The following TACC2 variants were observed in gnomAD, a reference collection of about 807,000 sequenced individuals.
The protein encoded by TACC2 is transforming acidic coiled-coil-containing protein 2.
A neutral mutation model predicts 227.3 loss-of-function variants in TACC2; 137 were observed. The ratio of observed to expected loss-of-function variants is 0.60; its 90% CI spans 0.52 to 0.69. The LOEUF is 0.69. TACC2 is among the 30% of genes least tolerant of loss of function. The pLI is 0.00. For synonymous variants in TACC2, 1,523 were observed against 1,487.5 expected (o/e 1.02, Z -0.55); for missense variants, 3,470 against 3,694.4 (o/e 0.94, Z 1.57).
chr10:122,154,352 C>G (rs1468870772), intron 7 of TACC2, among the ~76,000 whole-genome samples: 2 of 152,230 alleles, frequency 1.3e-5, no homozygotes, highest in Admixed American at 6.5e-5. Flanking sequence ...GGCAGGCAGT[C>G]ACTGCACAGG....
chr10:122,168,282 G>A (rs1592848778), intron 7 of TACC2, among the ~76,000 whole-genome samples: 1 of 152,172 alleles, frequency 6.6e-6, no homozygotes, highest in Admixed American at 6.5e-5. Context: ...CATTCCTAAT[G>A]TGAGTTGCAG....
chr10:122,108,737 G>C (rs1053670416), intron 5 of TACC2, among the ~76,000 whole-genome samples: 1 of 139,052 alleles, frequency 7.2e-6, no homozygotes, highest in South Asian at 2.4e-4. Context: ...GCCATCGCCC[G>C]GTCTTCTTTT....
rs1402980531 is a variant in TACC2 at position 122,149,839 on chromosome 10, T to C, written c.5834+6133T>C. Among the ~76,000 whole-genome samples the C allele has an allele frequency of 2.6e-5, 4 of 152,194 alleles. No individual in the cohort carries two copies. The East Asian group carries it at 7.7e-4, about 29-fold the overall frequency. On this transcript the variant is annotated intron_variant, in intron 7 of 22. Coordinates refer to ENST00000369005, the MANE Select transcript of TACC2 (RefSeq NM_206862.4). Reference sequence around the variant, plus strand: ...GGCTCTCGTGGCATCATTCCTTGGTTACGCAGGTCAAGTTTCCATTGTTCT... The same window carrying C: ...GGCTCTCGTGGCATCATTCCTTGGTCACGCAGGTCAAGTTTCCATTGTTCT...
At chr10:122,107,043 C>T (rs1424918661) in intron 5 of TACC2, among the ~76,000 whole-genome samples, 1 of 152,230 alleles carries the variant, frequency 6.6e-6, no homozygotes, top group Admixed American at 6.5e-5. Flanking sequence ...AGTGAGAAAA[C>T]TATCTCCAGA....
chr10:122,150,429 G>A lies in TACC2; in HGVS notation c.5834+6723G>A, dbSNP rs867780606. Among the ~76,000 whole-genome samples, 6 of 152,196 alleles carry A rather than the reference G, an allele frequency of 3.9e-5. No homozygotes were observed. The highest frequency in any genetic ancestry group is 7.2e-5 in the African/African-American group (3 of 41,460). On this transcript the variant is annotated intron_variant, in intron 7 of 22. Coordinates refer to ENST00000369005, the MANE Select transcript of TACC2 (RefSeq NM_206862.4). This position sits in a 1 kb window ranked among gnomAD's most constrained non-coding sequence, Gnocchi z 4.0. ...AGGCCAGGAGCCCACCCTCCTCCCC[G>A]AGCACGGCTGCCCAGGGACGGCCCT... is the stretch of plus-strand genomic sequence containing the variant.
chr10:122,016,163 G>A (rs1021031695), intron 1 of TACC2, among the ~76,000 whole-genome samples: 3 of 149,988 alleles, frequency 2.0e-5, no homozygotes, highest in African/African-American at 4.9e-5. Flanking sequence ...TTGGGAGGCT[G>A]AGATGGGATG....
chr10:122,248,044 A>C (rs1273823155), intron 19 of TACC2: 2 of 153,194 alleles, frequency 1.3e-5, no homozygotes, highest in African/African-American at 4.8e-5. Flanking sequence ...CATCACTGAG[A>C]AGCTAACCTT....
Position 122,086,590 on chromosome 10 carries a change from G to C in TACC2, c.4090G>C (p.Gly1364Arg). 6.3e-7 allele frequency: 1 copy of C among 1,598,518 alleles called. No individual in the cohort carries two copies. Among genetic ancestry groups the C allele is most frequent in the South Asian group, 1.1e-5 (1 of 87,332 alleles). ...GAKASGEGMA[G>R]DAAGETEGSM... ...CAAGGCCAGTGGGGAGGGCATGGCAGGTGATGCAGCAGGAGAGACAGAGGG... is the reference window on the plus strand; with the variant it reads ...CAAGGCCAGTGGGGAGGGCATGGCACGTGATGCAGCAGGAGAGACAGAGGG... The change falls in exon 4 of 23, where the codon GGT (glycine) becomes CGT (arginine). Residue 1364 changes from glycine to arginine, a missense_variant. Coordinates refer to ENST00000369005, the MANE Select transcript of TACC2 (RefSeq NM_206862.4).
chr10:122,037,403 G>T (rs562689693), intron 2 of TACC2, among the ~76,000 whole-genome samples: 12 of 152,200 alleles, frequency 7.9e-5, no homozygotes, highest in Non-Finnish European at 1.3e-4. Context: ...CACCATGGGG[G>T]TGAGACTCCA....
At chr10:122,249,508 A>T in intron 21 of TACC2, 36 bp from the exon 22 acceptor site, 2 of 1,607,832 alleles carry the variant, frequency 1.2e-6, no homozygotes, top group Non-Finnish European at 1.7e-6. Flanking sequence ...AGTGATCCAC[A>T]AAAGAGTGAT....
intron 7 of TACC2, among the ~76,000 whole-genome samples, chr10:122,176,008 G>T (rs914284551): frequency 6.6e-6 from 1 of 151,642 alleles, no homozygotes; most frequent in African/African-American, 2.4e-5. Context: ...TTGAACCCAG[G>T]AGTTGAGGCT....
chr10:122,225,235 C>T (rs1348015616), intron 12 of TACC2, among the ~76,000 whole-genome samples: 1 of 152,220 alleles, frequency 6.6e-6, no homozygotes, highest in Admixed American at 6.5e-5. Context: ...ATACCTGCTG[C>T]CCTAGGGCAT....
At chr10:122,019,005 G>A (rs566512051) in intron 1 of TACC2, among the ~76,000 whole-genome samples, 1 of 152,358 alleles carries the variant, frequency 6.6e-6, no homozygotes, top group African/African-American at 2.4e-5. Context: ...CCATTTGCCT[G>A]AAAGGCTCTG....
At chr10:122,090,611 A>C (rs924994278) in intron 5 of TACC2, among the ~76,000 whole-genome samples, 3 of 151,680 alleles carry the variant, frequency 2.0e-5, no homozygotes, top group African/African-American at 7.3e-5. Flanking sequence ...TCACAACCAC[A>C]ATACCTACCA....
chr10:122,054,560 T>C (rs1486271791), intron 3 of TACC2, among the ~76,000 whole-genome samples: 2 of 152,230 alleles, frequency 1.3e-5, no homozygotes, highest in Admixed American at 1.3e-4. Flanking sequence ...GCTATTAATA[T>C]TAGGTTGTAC....
At chr10:122,122,994 G>A (rs984875220) in intron 5 of TACC2, among the ~76,000 whole-genome samples, 1 of 152,084 alleles carries the variant, frequency 6.6e-6, no homozygotes, top group Non-Finnish European at 1.5e-5. Context: ...GCTGAGAGAG[G>A]TTGGCCTCTC....
intron 7 of TACC2, among the ~76,000 whole-genome samples, chr10:122,188,172 C>G (rs1222629081): frequency 6.6e-6 from 1 of 152,194 alleles, no homozygotes; most frequent in Non-Finnish European, 1.5e-5. Flanking sequence ...AGCTGAGATC[C>G]AGAAAATGGT....
intron 1 of TACC2, among the ~76,000 whole-genome samples, chr10:122,013,916 C>T (rs539642926): frequency 6.6e-6 from 1 of 152,118 alleles, no homozygotes; most frequent in East Asian, 1.9e-4. Context: ...TAAAAAGAGG[C>T]TTTGGAGAGG....
chr10:122,096,549 C>T (rs10887065), intron 5 of TACC2, among the ~76,000 whole-genome samples: 1 of 151,974 alleles, frequency 6.6e-6, no homozygotes, highest in African/African-American at 2.4e-5. Context: ...ATACAAAATT[C>T]GCTGGGCAGG....
Sources: gnomAD v4.1 joint callset for allele counts (sites outside exome capture counted in the v4.1 genomes callset) on GRCh38, gnomAD v4.1.1 for gene constraint, Gnocchi (gnomAD v3.1) non-coding constraint, MANE v1.5 for transcripts, NCBI Gene and HGNC (gene_info 2026-07-23, HGNC 2026-07-21) for gene names.